Variants in DMGDH observed in about 807,000 individuals in gnomAD.
DMGDH encodes dimethylglycine dehydrogenase.
A neutral mutation model predicts 95.2 loss-of-function variants in DMGDH; 76 were observed. The ratio of observed to expected loss-of-function variants is 0.80; its 90% CI spans 0.66 to 0.97. The LOEUF is 0.97. DMGDH is among the 50% of genes least tolerant of loss of function. The pLI, the probability that DMGDH is intolerant of heterozygous loss-of-function variation, is 0.00. For synonymous variants in DMGDH, 345 were observed against 377.6 expected (o/e 0.91, Z 1.00); for missense variants, 987 against 1,055.0 (o/e 0.94, Z 0.89).
At chr5:79,027,840 CTTTTT>C (rs771037679) in intron 12 of DMGDH, among the ~76,000 whole-genome samples, 3 of 109,456 alleles carry the variant, frequency 2.7e-5, no homozygotes, top group African/African-American at 7.8e-5. Flanking sequence ...CCCCACTTTT[CTTTTT>C]TTTTTTTTTT....
chr5:79,024,229 T>G lies in DMGDH; in HGVS notation c.2250+42A>C, dbSNP rs760497157. ...GCTCTGTCACAAAATAGCATCATAA[T>G]GTTAAGATTTACTTCAAGCACACTT... On this transcript the variant is annotated intron_variant, in intron 14 of 15. Coordinates refer to ENST00000255189, the MANE Select transcript of DMGDH (RefSeq NM_013391.3). 29 of 1,555,214 alleles carry G rather than the reference T, an allele frequency of 1.9e-5. No homozygotes were observed. In the African/African-American group the frequency reaches 3.9e-4, roughly 21 times the overall value.
intron 15 of DMGDH, among the ~76,000 whole-genome samples, chr5:79,003,234 G>A (rs1396338510): frequency 6.6e-6 from 1 of 152,128 alleles, no homozygotes; most frequent in African/African-American, 2.4e-5. Context: ...GGAAGATGAG[G>A]TGGGAGGAAA....
chr5:79,006,400 G>T (rs1471774589), intron 14 of DMGDH, among the ~76,000 whole-genome samples: 1 of 152,168 alleles, frequency 6.6e-6, no homozygotes, highest in East Asian at 1.9e-4. Context: ...CATGATAAGT[G>T]TGATAAACTA....
intron 15 of DMGDH, among the ~76,000 whole-genome samples, chr5:78,999,568 C>G (rs1269961956): frequency 1.3e-5 from 2 of 151,770 alleles, no homozygotes; most frequent in Middle Eastern, 6.9e-3. Flanking sequence ...CTCCTGACCT[C>G]GTGATCAGCC....
chr5:79,057,231 T>C (rs1238660400), intron 2 of DMGDH, among the ~76,000 whole-genome samples: 1 of 152,204 alleles, frequency 6.6e-6, no homozygotes, highest in Admixed American at 6.5e-5. Context: ...CTGGCAGATG[T>C]AATGTGGAAT....
chr5:79,035,663 A>G (rs1309162231), intron 7 of DMGDH, among the ~76,000 whole-genome samples: 1 of 146,668 alleles, frequency 6.8e-6, no homozygotes, highest in Non-Finnish European at 1.5e-5. Context: ...CTGCTATACC[A>G]TCATGTTCTT....
intron 14 of DMGDH, among the ~76,000 whole-genome samples, chr5:79,016,162 C>A (rs943326932): frequency 6.6e-6 from 1 of 151,322 alleles, no homozygotes; most frequent in Non-Finnish European, 1.5e-5. Context: ...CGCTTGAACC[C>A]GGGAGGCAGA....
At chr5:79,037,218 A>C (rs1221114544) in intron 7 of DMGDH, among the ~76,000 whole-genome samples, 1 of 152,220 alleles carries the variant, frequency 6.6e-6, no homozygotes, top group East Asian at 1.9e-4. Context: ...CAGCCCAAGC[A>C]GACTAAGCCA....
chr5:79,016,708 T>C (rs574551228), intron 14 of DMGDH, among the ~76,000 whole-genome samples: 7 of 152,282 alleles, frequency 4.6e-5, no homozygotes, highest in African/African-American at 1.7e-4. Context: ...AAGCTGATTC[T>C]AAAATTAATG....
At chr5:79,049,415 C>T (rs1010389317) in intron 5 of DMGDH, among the ~76,000 whole-genome samples, 1 of 152,106 alleles carries the variant, frequency 6.6e-6, no homozygotes, top group African/African-American at 2.4e-5. Flanking sequence ...GCCTAAAGTA[C>T]TGTGTTGAGA....
chr5:79,044,370 C>G lies in DMGDH; in HGVS notation c.928G>C (p.Gly310Arg). The G allele has an allele frequency of 1.2e-6, 2 of 1,614,118 alleles. No homozygotes were observed. Among genetic ancestry groups the G allele is most frequent in the Middle Eastern group, 1.6e-4 (1 of 6,062 alleles). The change falls in exon 6 of 16, where the codon GGT becomes CGT. Residue 310 changes from glycine (G) to arginine (R), a missense_variant. By Grantham distance (125) the Gly-to-Arg change is moderately radical. Transcript: ENST00000255189. ...LRQERDGLLF[G>R]PYESQEKMKV... ...ATTTTCTCTTGACTTTCATATGGAC[C>G]AAACAAAAGCCCATCCCTTTCCTGT... is the stretch of plus-strand genomic sequence containing the variant.
At chr5:79,021,255 AT>A in intron 14 of DMGDH, 1 of 1,024,134 alleles carries the variant, frequency 9.8e-7, no homozygotes, top group Non-Finnish European at 1.2e-6. Flanking sequence ...TATCTTCACA[AT>A]TACGGCTAAG....
At chr5:79,026,611 G>A (rs1223281150) in intron 12 of DMGDH, 30 bp from the exon 13 acceptor site, 1 of 1,613,684 alleles carries the variant, frequency 6.2e-7, no homozygotes. Flanking sequence ...GCCACAGCAG[G>A]GCAAGAACAA....
At chr5:79,019,512 C>G (rs1311246506) in intron 14 of DMGDH, among the ~76,000 whole-genome samples, 1 of 151,802 alleles carries the variant, frequency 6.6e-6, no homozygotes, top group Admixed American at 6.6e-5. Context: ...GACCTTACAC[C>G]TAGAGAAAAT....
chr5:79,066,737 G>A (rs910642917), intron 1 of DMGDH, among the ~76,000 whole-genome samples: 3 of 152,114 alleles, frequency 2.0e-5, no homozygotes, highest in African/African-American at 7.2e-5. Flanking sequence ...ATTAAGAAGC[G>A]TATGATGTTG....
intron 7 of DMGDH, 125 bp downstream of exon 7, chr5:79,042,158 C>CTCTGTT: frequency 2.2e-6 from 2 of 921,620 alleles, no homozygotes; most frequent in Non-Finnish European, 3.4e-6. Flanking sequence ...CTGGGTCTCT[C>CTCTGTT]TCTGTTTCTC....
intron 4 of DMGDH, among the ~76,000 whole-genome samples, chr5:79,051,898 C>G (rs1360580612): frequency 6.6e-6 from 1 of 152,122 alleles, no homozygotes; most frequent in Admixed American, 6.5e-5. Flanking sequence ...GGCCTTCAGG[C>G]AAGGTACTGT....
chr5:79,063,772 G>T lies in DMGDH; in HGVS notation c.117C>A (p.Pro39=), dbSNP rs199807281. ...CTTTCCATTGTGTTTCTGCAGATAAGGGTGGTTTTTCCTCTCTGGAAGAGG... is the reference window on the plus strand; with the variant it reads ...CTTTCCATTGTGTTTCTGCAGATAATGGTGGTTTTTCCTCTCTGGAAGAGG... The part of the protein sequence containing the change: ...VCGREGEEKP[P]LSAETQWKDR... Residue 39 remains proline, a synonymous_variant, in exon 2 of 16, where the codon CCC becomes CCA. Coordinates refer to ENST00000255189, the MANE Select transcript of DMGDH (RefSeq NM_013391.3). 1 of 1,614,142 alleles carries T rather than the reference G, an allele frequency of 6.2e-7. No individual in the cohort carries two copies. The highest frequency in any genetic ancestry group is 1.3e-5 in the African/African-American group (1 of 75,032).
chr5:78,997,953 T>C lies in DMGDH; in HGVS notation c.*129A>G. Reference sequence around the variant, plus strand: ...ACTTAACAGAAAGGTTTCATTAAGATTCTAAATTTAGACTTTGATGATTTT... The same window carrying C: ...ACTTAACAGAAAGGTTTCATTAAGACTCTAAATTTAGACTTTGATGATTTT... On this transcript the variant is annotated 3_prime_UTR_variant, in exon 16 of 16. Coordinates refer to ENST00000255189, the MANE Select transcript of DMGDH (RefSeq NM_013391.3). 5.2e-6 allele frequency: 5 copies of C among 958,184 alleles called. No individual in the cohort carries two copies. The highest frequency in any genetic ancestry group is 8.0e-6 in the Non-Finnish European group (5 of 626,314). 59.4% of individuals were successfully genotyped at this position (958,184 alleles called of 1,614,324 possible).
Sources: gnomAD v4.1 joint callset for allele counts (sites outside exome capture counted in the v4.1 genomes callset) on GRCh38, gnomAD v4.1.1 for gene constraint, MANE v1.5 for transcripts, NCBI Gene and HGNC (gene_info 2026-07-23, HGNC 2026-07-21) for gene names.